The following CDH5 variants were observed in gnomAD, a reference collection of about 807,000 sequenced individuals.
CDH5 encodes the protein cadherin 5, also known as cadherin-5.
A neutral mutation model predicts 62.0 loss-of-function variants in CDH5; 28 were observed. The ratio of observed to expected loss-of-function variants is 0.45; its 90% CI spans 0.33 to 0.62. CDH5 has a LOEUF of 0.62. Among genes scored for constraint, CDH5 ranks in the 20% least tolerant of loss-of-function variants. CDH5 has a pLI of 0.02. For synonymous variants in CDH5, 464 were observed against 445.8 expected (o/e 1.04, Z -0.52); for missense variants, 940 against 1,065.1 (o/e 0.88, Z 1.63).
Position 66,398,037 on chromosome 16 carries a change from G to A in CDH5, c.1416G>A (p.Glu472=), listed in dbSNP as rs1175917371. 1 of 1,614,200 alleles carries A rather than the reference G, an allele frequency of 6.2e-7. No homozygotes were observed. The highest frequency in any genetic ancestry group is 8.5e-7 in the Non-Finnish European group (1 of 1,180,038). The part of the protein sequence containing the change: ...IVQVHIEVLD[E]NDNAPEFAKP... ...AAGTCCACATTGAAGTTTTGGATGA[G>A]AATGACAATGCCCCGGAGTTTGCCA... The change falls in exon 9 of 12, where the codon GAG becomes GAA. Residue 472 remains glutamate, a synonymous_variant. Transcript: ENST00000341529.
chr16:66,379,017 G>A lies in CDH5; in HGVS notation c.-19-302G>A, dbSNP rs754046899. On this transcript the variant is annotated intron_variant, in intron 1 of 11. Coordinates refer to ENST00000341529, the MANE Select transcript of CDH5 (RefSeq NM_001795.5). ...AGGTCAGAAGGTTTTGCATAGCTTC[G>A]GGGAAGAATAAGCAGAAGGCAGCTG... 1.1e-4 allele frequency among the ~76,000 whole-genome samples: 16 copies of A among 152,302 alleles called. 1 individual carries two copies. In the Middle Eastern group the frequency reaches 0.02, roughly 194 times the overall value.
intron 8 of CDH5, among the ~76,000 whole-genome samples, chr16:66,397,336 C>T (rs1961203389): frequency 6.6e-6 from 1 of 152,174 alleles, no homozygotes; most frequent in Non-Finnish European, 1.5e-5. Flanking sequence ...CCTCCCACCT[C>T]AGCCTCCTGA....
chr16:66,381,607 C>T (rs1960899723), intron 2 of CDH5, among the ~76,000 whole-genome samples: 1 of 152,154 alleles, frequency 6.6e-6, no homozygotes, highest in African/African-American at 2.4e-5. Context: ...TGTCAATGTG[C>T]TAGAGAAAGG....
intron 2 of CDH5, 40 bp from the exon 3 acceptor site, chr16:66,386,769 T>G (rs749028659): frequency 1.9e-6 from 3 of 1,540,140 alleles, no homozygotes. Context: ...ACACAGCCAC[T>G]GCCGCCCATT....
At chr16:66,402,542 G>T in intron 11 of CDH5, 110 bp from the exon 12 acceptor site, 1 of 956,306 alleles carries the variant, frequency 1.0e-6, no homozygotes, top group South Asian at 1.7e-5. Context: ...GGATGGGCAT[G>T]CTGGGAGGGC....
At chr16:66,392,497 C>T in intron 7 of CDH5, 114 bp downstream of exon 7, 1 of 1,424,824 alleles carries the variant, frequency 7.0e-7, no homozygotes. Context: ...CTAGCACTTA[C>T]AGGGAAAGTG....
intron 6 of CDH5, among the ~76,000 whole-genome samples, chr16:66,391,127 T>C (rs1961076356): frequency 6.6e-6 from 1 of 152,060 alleles, no homozygotes; most frequent in Admixed American, 6.6e-5. Flanking sequence ...AGAGGTCCTG[T>C]GAGGGGCATA....
chr16:66,371,697 C>T (rs1401161591), intron 1 of CDH5, among the ~76,000 whole-genome samples: 4 of 152,168 alleles, frequency 2.6e-5, no homozygotes, highest in Non-Finnish European at 5.9e-5. Flanking sequence ...TACTGCAAAG[C>T]CCAGACTTGG....
chr16:66,371,328 G>A (rs1008457953), intron 1 of CDH5, among the ~76,000 whole-genome samples: 2 of 152,126 alleles, frequency 1.3e-5, no homozygotes, highest in African/African-American at 4.8e-5. Flanking sequence ...GGTCTTCAGT[G>A]CCCCCACTCC....
chr16:66,375,562 A>AAAAAAAT (rs1960769865), intron 1 of CDH5, among the ~76,000 whole-genome samples: 1 of 151,834 alleles, frequency 6.6e-6, no homozygotes. Flanking sequence ...AAATAAAAAT[A>AAAAAAAT]AAAAAATAAA....
In CDH5 at chr16:66,372,537, C is replaced by T. The variant is rs548347756; in HGVS notation, c.-20+5779C>T. Among the ~76,000 whole-genome samples the T allele has an allele frequency of 1.8e-3, 272 of 152,302 alleles. 2 individuals carry two copies. The highest frequency in any genetic ancestry group is 6.3e-3 in the African/African-American group (262 of 41,566). On this transcript the variant is annotated intron_variant, in intron 1 of 11. Transcript: ENST00000341529. ...CTCACCAGGCACCTGCAGACCCAGA[C>T]AGGCAGCTGGAGAGGAGCAGAAAGA...
At chr16:66,388,265 G>C in intron 3 of CDH5, 59 bp from the exon 4 acceptor site, 8 of 1,050,498 alleles carry the variant, frequency 7.6e-6, no homozygotes, top group Non-Finnish European at 1.2e-5. Context: ...TCTGTTCCAG[G>C]AATGGGGTAA....
At chr16:66,402,518 AG>A (rs1261219271) in intron 11 of CDH5, 133 bp from the exon 12 acceptor site, 9 of 565,988 alleles carry the variant, frequency 1.6e-5, no homozygotes, top group African/African-American at 6.6e-5. Flanking sequence ...TTGCAGGGGA[AG>A]GGGGGGCCAA....
chr16:66,379,211 C>A (rs771397294), intron 1 of CDH5, 108 bp from the exon 2 acceptor site: 437 of 797,250 alleles, frequency 5.5e-4, no homozygotes, highest in Admixed American at 1.1e-3. Context: ...TTGTGTTTGC[C>A]CCAGGCTTTT....
chr16:66,391,736 G>A (rs1388700448), intron 6 of CDH5, among the ~76,000 whole-genome samples: 1 of 152,238 alleles, frequency 6.6e-6, no homozygotes, highest in Non-Finnish European at 1.5e-5. Context: ...TCGTGCCATT[G>A]CACTCCAATC....
intron 7 of CDH5, 136 bp from the exon 8 acceptor site, chr16:66,395,923 G>T: frequency 3.8e-6 from 3 of 779,806 alleles, no homozygotes; most frequent in South Asian, 1.9e-5. Flanking sequence ...CTGAGTGGCA[G>T]AGTGCAATGA....
intron 1 of CDH5, among the ~76,000 whole-genome samples, chr16:66,378,464 A>G (rs1960822984): frequency 6.6e-6 from 1 of 152,220 alleles, no homozygotes; most frequent in South Asian, 2.1e-4. Context: ...TAAGATATAT[A>G]AAGTGCTTGA....
intron 5 of CDH5, 126 bp from the exon 6 acceptor site, chr16:66,390,277 T>C: frequency 1.4e-6 from 1 of 694,730 alleles, no homozygotes; most frequent in Non-Finnish European, 2.3e-6. Context: ...CCCAGGGGTA[T>C]TATTATTTAT....
chr16:66,381,539 G>A (rs74875588), intron 2 of CDH5, among the ~76,000 whole-genome samples: 3,215 of 152,296 alleles, frequency 0.021, 103 homozygotes, highest in African/African-American at 0.073. Flanking sequence ...TTTTGAGTGC[G>A]TTAAAATCTC....
Sources: allele counts gnomAD v4.1 joint callset (sites outside exome capture counted in the v4.1 genomes callset), GRCh38; gene constraint gnomAD v4.1.1; transcripts MANE v1.5; gene names NCBI Gene and HGNC (gene_info 2026-07-23, HGNC 2026-07-21).